The following RASGEF1A variants were observed in gnomAD, a reference collection of about 807,000 sequenced individuals.
RASGEF1A encodes the protein ras-GEF domain-containing family member 1A.
RASGEF1A carries 18 observed loss-of-function variants against 56.4 expected under a neutral mutation model. The observed-to-expected ratio is 0.32, with a 90% confidence interval of 0.22 to 0.47. RASGEF1A has a LOEUF of 0.47. Ranked by LOEUF, RASGEF1A falls within the 20% of genes least tolerant of loss-of-function variation. The probability of loss-of-function intolerance (pLI) is 1.00; values close to 1 mark genes in which losing one functional copy is unlikely to be tolerated. For missense variants in RASGEF1A, 422 were observed against 627.1 expected, an observed-to-expected ratio of 0.67 and a Z score of 3.49; for synonymous variants, 245 against 242.6, an observed-to-expected ratio of 1.01 and a Z score of -0.09.
Position 43,198,222 on chromosome 10 carries a change from G to A in RASGEF1A, c.1033-27C>T, listed in dbSNP as rs770292230. 2.5e-5 allele frequency: 40 copies of A among 1,585,296 alleles called. 1 individual carries two copies. The South Asian group carries it at 4.1e-4, about 16-fold the overall frequency. ...TGTGGGCACAGGGAGGACCTGGTGA[G>A]CATCACAGCCCCATGCCCCTCCGAC... On this transcript the variant is annotated intron_variant, in intron 9 of 12. Coordinates refer to ENST00000395810, the MANE Select transcript of RASGEF1A (RefSeq NM_145313.4).
At chr10:43,251,607 C>A (rs952469574) in intron 1 of RASGEF1A, among the ~76,000 whole-genome samples, 3 of 152,194 alleles carry the variant, frequency 2.0e-5, no homozygotes, top group Admixed American at 1.3e-4. Context: ...GCCCACACCA[C>A]CTCACCTCCA....
intron 1 of RASGEF1A, chr10:43,208,148 A>G (rs1046236133): frequency 4.7e-5 from 46 of 985,344 alleles, no homozygotes; most frequent in Non-Finnish European, 5.3e-5. Context: ...AACCTCCCCA[A>G]GATCACACAG....
intron 1 of RASGEF1A, among the ~76,000 whole-genome samples, chr10:43,260,434 G>A (rs1422744429): frequency 6.6e-6 from 1 of 152,194 alleles, no homozygotes; most frequent in Non-Finnish European, 1.5e-5. Flanking sequence ...GTGCACCACC[G>A]GATGCATCTG....
intron 1 of RASGEF1A, 72 bp from the exon 2 acceptor site, chr10:43,206,194 G>A: frequency 1.5e-6 from 2 of 1,309,668 alleles, no homozygotes; most frequent in Non-Finnish European, 2.1e-6. Flanking sequence ...CTCCCAGGCA[G>A]CCTGCAGCGT....
At chr10:43,248,793 AG>A (rs1438424182) in intron 1 of RASGEF1A, among the ~76,000 whole-genome samples, 2 of 152,168 alleles carry the variant, frequency 1.3e-5, no homozygotes, top group African/African-American at 4.8e-5. Flanking sequence ...TTGAGGGCTT[AG>A]GGTTGCCTCG....
intron 1 of RASGEF1A, among the ~76,000 whole-genome samples, chr10:43,221,452 G>T (rs1255274983): frequency 6.6e-6 from 1 of 152,172 alleles, no homozygotes; most frequent in Non-Finnish European, 1.5e-5. Context: ...AGGAACAGAG[G>T]CCCAAAGGGC....
chr10:43,206,152 T>C (rs1276675086), intron 1 of RASGEF1A, 30 bp from the exon 2 acceptor site: 2 of 1,529,768 alleles, frequency 1.3e-6, no homozygotes, highest in Non-Finnish European at 1.8e-6. Flanking sequence ...ACATGAGGCA[T>C]CAAAGGCGCC....
rs1018798692 is a variant in RASGEF1A at position 43,196,704 on chromosome 10, T to C, written c.1349-156A>G. On this transcript the variant is annotated intron_variant, in intron 11 of 12. Transcript: ENST00000395810. This position sits in a 1 kb window ranked among gnomAD's most constrained non-coding sequence, Gnocchi z 4.6. ...CTGTGCGGGGCTCTCAGGCTGCCTG[T>C]TGGGGACTCTAGGAAGGTTCCTCGT... 1.3e-5 allele frequency among the ~76,000 whole-genome samples: 2 copies of C among 152,158 alleles called. No individual in the cohort carries two copies. Among genetic ancestry groups the C allele is most frequent in the Non-Finnish European group, 2.9e-5 (2 of 68,016 alleles).
At chr10:43,231,001 T>C (rs1012258365) in intron 1 of RASGEF1A, among the ~76,000 whole-genome samples, 1 of 152,238 alleles carries the variant, frequency 6.6e-6, no homozygotes, top group African/African-American at 2.4e-5. Context: ...AGTGTTGGCC[T>C]GGCCTGGAAC....
intron 1 of RASGEF1A, among the ~76,000 whole-genome samples, chr10:43,218,819 C>T (rs564390730): frequency 1.6e-4 from 24 of 152,378 alleles, no homozygotes; most frequent in Non-Finnish European, 3.2e-4. Context: ...TGGCCACAGG[C>T]GCGACGCGGA....
Position 43,196,229 on chromosome 10 carries a change from C to T in RASGEF1A, c.*15G>A, listed in dbSNP as rs763942490. On this transcript the variant is annotated 3_prime_UTR_variant, in exon 13 of 13. Coordinates refer to ENST00000395810, the MANE Select transcript of RASGEF1A (RefSeq NM_145313.4). This position sits in a 1 kb window ranked among gnomAD's most constrained non-coding sequence, Gnocchi z 4.6. ...AGTGCACGTGCTTCCTCTGGCGTCG[C>T]GGGCTGCATCCGCCTCAGGCTCTGT... is the stretch of plus-strand genomic sequence containing the variant. The T allele has an allele frequency of 2.3e-5, 37 of 1,612,418 alleles. No homozygotes were observed. Among genetic ancestry groups the T allele is most frequent in the Non-Finnish European group, 2.5e-5 (30 of 1,178,938 alleles).
At chr10:43,205,230 T>C (rs1588930570) in intron 2 of RASGEF1A, among the ~76,000 whole-genome samples, 1 of 151,850 alleles carries the variant, frequency 6.6e-6, no homozygotes, top group African/African-American at 2.4e-5. Context: ...TCCCAGAGGG[T>C]AGATGCTCAG....
chr10:43,226,041 T>C (rs1840276204), intron 1 of RASGEF1A, among the ~76,000 whole-genome samples: 1 of 152,028 alleles, frequency 6.6e-6, no homozygotes, highest in African/African-American at 2.4e-5. Context: ...GCTGGGTTAT[T>C]CCCCGAGGCT....
At position 43,194,840 on chromosome 10, in the gene RASGEF1A, C is replaced by T. The variant is rs964986314; in HGVS notation, c.*1404G>A. On this transcript the variant is annotated 3_prime_UTR_variant, in exon 13 of 13. Transcript: ENST00000395810. ...ACATAAACAAAGCAATATGTACTAT[C>T]AATATACAATCTGTACTAGCTAGAA... 1 of 152,644 alleles carries T rather than the reference C, an allele frequency of 6.6e-6. No individual in the cohort carries two copies. Among genetic ancestry groups the T allele is most frequent in the African/African-American group, 2.4e-5 (1 of 41,444 alleles). 9.5% of individuals were successfully genotyped at this position (152,644 alleles called of 1,614,324 possible).
Position 43,264,111 on chromosome 10 carries a change from G to T in RASGEF1A, c.-7+2734C>A, listed in dbSNP as rs976405618. On this transcript the variant is annotated intron_variant, in intron 1 of 12. Coordinates refer to ENST00000395810, the MANE Select transcript of RASGEF1A (RefSeq NM_145313.4). ...TCGGGCTTCCCTTCACACAGTGCCC[G>T]CCAAGCCACTGCTGGCCATACCAGC... 1.3e-5 allele frequency among the ~76,000 whole-genome samples: 2 copies of T among 151,988 alleles called. 1 individual carries two copies. The highest frequency in any genetic ancestry group is 4.1e-4 in the South Asian group (2 of 4,830).
At chr10:43,262,913 G>T (rs1255421690) in intron 1 of RASGEF1A, among the ~76,000 whole-genome samples, 3 of 152,218 alleles carry the variant, frequency 2.0e-5, no homozygotes, top group Non-Finnish European at 4.4e-5. Context: ...GGTCTAGAGT[G>T]GGGTGTGCTA....
chr10:43,219,032 T>A (rs1426319998), intron 1 of RASGEF1A, among the ~76,000 whole-genome samples: 1 of 152,166 alleles, frequency 6.6e-6, no homozygotes, highest in African/African-American at 2.4e-5. Flanking sequence ...GCATAGAACA[T>A]CATTGTCCAC....
intron 1 of RASGEF1A, among the ~76,000 whole-genome samples, chr10:43,254,834 A>T (rs964074734): frequency 9.9e-5 from 15 of 152,116 alleles, no homozygotes; most frequent in South Asian, 4.1e-4. Flanking sequence ...GAGGGAACAA[A>T]GGAGACAGTC....
intron 1 of RASGEF1A, among the ~76,000 whole-genome samples, chr10:43,210,238 G>A (rs1428784823): frequency 2.6e-5 from 4 of 152,052 alleles, no homozygotes; most frequent in East Asian, 1.9e-4. Flanking sequence ...TTGAGAGGCC[G>A]AGGTGGATGG....
Sources: gnomAD v4.1 joint callset for allele counts (sites outside exome capture counted in the v4.1 genomes callset) on GRCh38, gnomAD v4.1.1 for gene constraint, Gnocchi (gnomAD v3.1) non-coding constraint, MANE v1.5 for transcripts, NCBI Gene and HGNC (gene_info 2026-07-23, HGNC 2026-07-21) for gene names.